DAPK3: variants seen among roughly 807,000 people sequenced by gnomAD.
DAPK3 encodes death associated protein kinase 3, also known as death-associated protein kinase 3.
DAPK3 carries 24 observed loss-of-function variants against 30.6 expected under a neutral mutation model. The ratio of observed to expected loss-of-function variants is 0.78; its 90% CI spans 0.57 to 1.10. The LOEUF (loss-of-function observed/expected upper bound fraction) is 1.10. Ranked by LOEUF, DAPK3 falls within the 50% of genes least tolerant of loss-of-function variation. DAPK3 has a pLI of 0.00. For synonymous variants in DAPK3, 341 were observed against 284.0 expected, an observed-to-expected ratio of 1.20 and a Z score of -2.02; for missense variants, 629 against 657.3, an observed-to-expected ratio of 0.96 and a Z score of 0.47.
At chr19:3,961,187 T>C in intron 6 of DAPK3, 26 bp from the exon 7 acceptor site, 4 of 1,596,610 alleles carry the variant, frequency 2.5e-6, no homozygotes, top group Non-Finnish European at 3.4e-6. Context: ...GGGGGCTCAG[T>C]GGGGTCCTGG....
At chr19:3,965,127 A>G (rs1487845918) in intron 2 of DAPK3, 136 bp from the exon 3 acceptor site, 3 of 613,456 alleles carry the variant, frequency 4.9e-6, no homozygotes, top group Non-Finnish European at 8.7e-6. Context: ...TGAGCTGGCC[A>G]CTGCGGGGGT....
At chr19:3,963,569 A>C in intron 6 of DAPK3, 74 bp downstream of exon 6, 1 of 963,568 alleles carries the variant, frequency 1.0e-6, no homozygotes, top group Non-Finnish European at 1.6e-6. Flanking sequence ...CCTGGCGTCC[A>C]CATGAGACAC....
chr19:3,969,477 C>CA (rs2039613133), intron 2 of DAPK3, among the ~76,000 whole-genome samples, 197 bp downstream of exon 2: 1 of 152,156 alleles, frequency 6.6e-6, no homozygotes, highest in Non-Finnish European at 1.5e-5. Flanking sequence ...AGGAAACACA[C>CA]AGAGGATTCC....
intron 1 of DAPK3, 97 bp from the exon 2 acceptor site, chr19:3,969,926 A>C: frequency 1.7e-6 from 1 of 576,002 alleles, no homozygotes; most frequent in Non-Finnish European, 3.1e-6. Context: ...CAAGCCTCCC[A>C]CCTCTCCACT....
At position 3,969,700 on chromosome 19, in the gene DAPK3, A is replaced by G. The variant is rs1406556938; in HGVS notation, c.36T>C (p.His12=). The G allele has an allele frequency of 6.2e-7, 1 of 1,612,068 alleles. No individual in the cohort carries two copies. Among genetic ancestry groups the G allele is most frequent in the South Asian group, 1.1e-5 (1 of 91,058 alleles). ...TGCCCAGCTCCTCCCCCATCTCATA[A>G]TGGTCCTCCACGTCCTCCTGCCTGA... ...STFRQEDVED[H]YEMGEELGSG... The change falls in exon 2 of 9, where the codon CAT becomes CAC. Residue 12 remains histidine, a synonymous_variant. Coordinates refer to ENST00000545797, the MANE Select transcript of DAPK3 (RefSeq NM_001348.3).
At chr19:3,970,169 C>T (rs2039619075) in intron 1 of DAPK3, among the ~76,000 whole-genome samples, 1 of 152,232 alleles carries the variant, frequency 6.6e-6, no homozygotes, top group Non-Finnish European at 1.5e-5. Context: ...AAATCCCCCA[C>T]CATTCCTGCA....
rs1456114297 is a variant in DAPK3, at chr19:3,959,483, A to G, written c.983T>C (p.Val328Ala). ...SYADFERFSK[V>A]LEEAAAAEEG... ...CTCGGCGGCCGCCGCCTCCTCCAGC[A>G]CCTTGGAGAAGCGCTCGAAGTCGGC... The change falls in exon 9 of 9, where the codon GTG becomes GCG. Residue 328 changes from valine to alanine, a missense_variant. Val to Ala is a moderately conservative substitution (Grantham distance 64, BLOSUM62 0). Coordinates refer to ENST00000545797, the MANE Select transcript of DAPK3 (RefSeq NM_001348.3). 1 of 1,552,372 alleles carries G rather than the reference A, an allele frequency of 6.4e-7. No individual in the cohort carries two copies. The highest frequency in any genetic ancestry group is 2.4e-5 in the East Asian group (1 of 42,526).
At position 3,969,706 on chromosome 19, in the gene DAPK3, C is replaced by T; in HGVS notation, c.30G>A (p.Glu10=). The T allele has an allele frequency of 1.2e-6, 2 of 1,612,378 alleles. No homozygotes were observed. Among genetic ancestry groups the T allele is most frequent in the Non-Finnish European group, 1.7e-6 (2 of 1,179,154 alleles). ...GCTCCTCCCCCATCTCATAATGGTC[C>T]TCCACGTCCTCCTGCCTGAACGTGG... MSTFRQEDV[E]DHYEMGEELG... The change falls in exon 2 of 9, where the codon GAG becomes GAA. Residue 10 remains glutamate (E), a synonymous_variant. Transcript: ENST00000545797.
rs2039627884 is a variant in DAPK3, at chr19:3,970,975, T to A, written c.-149A>T. 1 of 152,996 alleles carries A rather than the reference T, an allele frequency of 6.5e-6. No individual in the cohort carries two copies. The highest frequency in any genetic ancestry group is 1.5e-5 in the Non-Finnish European group (1 of 68,820). 9.5% of individuals were successfully genotyped at this position (152,996 alleles called of 1,614,324 possible). On this transcript the variant is annotated 5_prime_UTR_variant, in exon 1 of 9. Transcript: ENST00000545797. ...CCTCCGCGGGCCCCCGAAGCGCCGC[T>A]CTGGCCCCACCCAGCCCTCCAGCCT... is the stretch of plus-strand genomic sequence containing the variant.
chr19:3,959,500 G>C lies in DAPK3; in HGVS notation c.966C>G (p.Phe322Leu). Residue 322 changes from phenylalanine to leucine, a missense_variant, in exon 9 of 9, where the codon TTC becomes TTG. By Grantham distance (22) the Phe-to-Leu change is conservative (BLOSUM62 0). Transcript: ENST00000545797. ...SLPPNNSYAD[F>L]ERFSKVLEEA... ...CCTCCAGCACCTTGGAGAAGCGCTC[G>C]AAGTCGGCGTAGCTGTTGTTGGGCG... The C allele has an allele frequency of 2.6e-6, 4 of 1,559,828 alleles. No homozygotes were observed. The highest frequency in any genetic ancestry group is 3.4e-6 in the Non-Finnish European group (4 of 1,160,240).
chr19:3,966,848 C>G (rs927083240), intron 2 of DAPK3, among the ~76,000 whole-genome samples: 2 of 152,234 alleles, frequency 1.3e-5, no homozygotes, highest in Non-Finnish European at 2.9e-5. Context: ...AGCCCCCGGT[C>G]TCACTGGCCA....
chr19:3,962,397 T>G (rs565785286), intron 6 of DAPK3, among the ~76,000 whole-genome samples: 13 of 152,214 alleles, frequency 8.5e-5, no homozygotes, highest in Non-Finnish European at 1.6e-4. Context: ...CCCACGCCAT[T>G]GTTTATTTCC....
intron 3 of DAPK3, 63 bp from the exon 4 acceptor site, chr19:3,964,436 C>G: frequency 7.2e-7 from 1 of 1,394,592 alleles, no homozygotes; most frequent in South Asian, 1.2e-5. Context: ...CCCCACGCTC[C>G]CCAAACCTCA....
Position 3,969,681 on chromosome 19 carries a change from G to C in DAPK3, c.55C>G (p.Leu19Val). ...VEDHYEMGEELGSGQFAIVRK... is the reference protein window; with the variant it reads ...VEDHYEMGEEVGSGQFAIVRK... ...TGCGGGCAGACAGCTCACCTGCCCAGCTCCTCCCCCATCTCATAATGGTCC... is the reference window on the plus strand; with the variant it reads ...TGCGGGCAGACAGCTCACCTGCCCACCTCCTCCCCCATCTCATAATGGTCC... Residue 19 changes from leucine to valine, a missense_variant, in exon 2 of 9, where the codon CTG becomes GTG. Physicochemically the swap from Leu to Val is conservative, Grantham distance 32. Around this residue, in one of 2 missense-constraint regions of DAPK3, gnomAD observed 306 missense variants for 378.5 expected, o/e 0.81. Coordinates refer to ENST00000545797, the MANE Select transcript of DAPK3 (RefSeq NM_001348.3). The C allele has an allele frequency of 6.2e-7, 1 of 1,608,584 alleles. No homozygotes were observed. Among genetic ancestry groups the C allele is most frequent in the Non-Finnish European group, 8.5e-7 (1 of 1,175,850 alleles).
In DAPK3 at chr19:3,959,329, C is replaced by T. The variant is rs777499933; in HGVS notation, c.1137G>A (p.Arg379=). 1.9e-6 allele frequency: 3 copies of T among 1,592,578 alleles called. No individual in the cohort carries two copies. Among genetic ancestry groups the T allele is most frequent in the South Asian group, 2.2e-5 (2 of 89,744 alleles). ...EESDSLGQDL[R]RLRQELLKTE... is the part of the protein sequence containing the mutation. The stretch of plus-strand genomic sequence containing the variant: ...TCTTGAGCAGCTCCTGCCGTAGCCT[C>T]CGCAGGTCCTGGCCCAGGCTGTCGC... The change falls in exon 9 of 9, where the codon CGG becomes CGA. Residue 379 remains arginine (R), a synonymous_variant. Transcript: ENST00000545797.
At chr19:3,966,361 G>A (rs932848176) in intron 2 of DAPK3, among the ~76,000 whole-genome samples, 1 of 152,182 alleles carries the variant, frequency 6.6e-6, no homozygotes, top group African/African-American at 2.4e-5. Context: ...CCCAGGAAAG[G>A]GGTGGAAGGG....
chr19:3,971,037 G>T lies in DAPK3; in HGVS notation c.-211C>A. ...CGCTCTTTACCCTCCGCAGCCCGGAGAATACGGCCGGCGCCGCCGCGCTGG... is the reference window on the plus strand; with the variant it reads ...CGCTCTTTACCCTCCGCAGCCCGGATAATACGGCCGGCGCCGCCGCGCTGG... On this transcript the variant is annotated 5_prime_UTR_variant, in exon 1 of 9. Transcript: ENST00000545797. 1 of 153,666 alleles carries T rather than the reference G, an allele frequency of 6.5e-6. No individual in the cohort carries two copies. The highest frequency in any genetic ancestry group is 1.8e-4 in the South Asian group (1 of 5,500). The allele number at this position is 153,666 out of a possible 1,614,324, so 9.5% of individuals were successfully genotyped here.
At position 3,960,066 on chromosome 19, in the gene DAPK3, C is replaced by A; in HGVS notation, c.821G>T (p.Trp274Leu). 6.4e-7 allele frequency: 1 copy of A among 1,562,184 alleles called. No homozygotes were observed. Among genetic ancestry groups the A allele is most frequent in the Non-Finnish European group, 8.8e-7 (1 of 1,133,030 alleles). Residue 274 changes from tryptophan (W) to leucine (L), a missense_variant, in exon 8 of 9, where the codon TGG becomes TTG. Transcript: ENST00000545797. ...MTIAQSLEHSWIKAIRRRNVR... is the reference protein window; with the variant it reads ...MTIAQSLEHSLIKAIRRRNVR... ...CCCCACCTCCCCACTTACCTTAATC[C>A]AGGAATGTTCCAGGCTCTGGGCAAT...
intron 2 of DAPK3, among the ~76,000 whole-genome samples, chr19:3,968,565 T>C (rs1186866260): frequency 5.3e-5 from 8 of 152,110 alleles, no homozygotes; most frequent in African/African-American, 1.4e-4. Flanking sequence ...AGTTTTCCAA[T>C]GAATTAATTC....
Sources: allele counts gnomAD v4.1 joint callset (sites outside exome capture counted in the v4.1 genomes callset), GRCh38; gene constraint gnomAD v4.1.1; regional missense constraint gnomAD v4.1.1; transcripts MANE v1.5; gene names NCBI Gene and HGNC (gene_info 2026-07-23, HGNC 2026-07-21).